RABGGTA: variants seen among roughly 807,000 people sequenced by gnomAD.
RABGGTA encodes Rab geranylgeranyltransferase subunit alpha, also known as geranylgeranyl transferase type-2 subunit alpha.
A neutral mutation model predicts 83.3 loss-of-function variants in RABGGTA; 69 were observed. The observed-to-expected ratio is 0.83, with a 90% confidence interval of 0.68 to 1.01. The LOEUF is 1.01. Ranked by LOEUF, RABGGTA falls within the 50% of genes least tolerant of loss-of-function variation. The pLI, the probability that RABGGTA is intolerant of heterozygous loss-of-function variation, is 0.00. For missense variants in RABGGTA, 681 were observed against 712.7 expected, an observed-to-expected ratio of 0.96 and a Z score of 0.51; for synonymous variants, 310 against 299.8, an observed-to-expected ratio of 1.03 and a Z score of -0.35.
chr14:24,268,289 A>C (rs2040899254), intron 11 of RABGGTA, 80 bp downstream of exon 11: 1 of 1,608,838 alleles, frequency 6.2e-7, no homozygotes, highest in African/African-American at 1.3e-5. Flanking sequence ...CAGCTCCTTG[A>C]GGCCCCAGCC....
intron 11 of RABGGTA, 62 bp from the exon 12 acceptor site, chr14:24,268,260 C>G (rs969206244): frequency 6.2e-7 from 1 of 1,604,896 alleles, no homozygotes; most frequent in South Asian, 1.1e-5. Context: ...GGTCAACATT[C>G]CCAGTATCTA....
chr14:24,266,329 C>T (rs2040872724), intron 16 of RABGGTA, 101 bp downstream of exon 16: 1 of 1,093,178 alleles, frequency 9.1e-7, no homozygotes, highest in Non-Finnish European at 1.4e-6. Flanking sequence ...CTCTCTCCTG[C>T]CCTGCAAGAG....
rs779517321 is a variant in RABGGTA at position 24,267,941 on chromosome 14, T to C, written c.1165A>G (p.Ile389Val). 20 of 1,613,744 alleles carry C rather than the reference T, an allele frequency of 1.2e-5. No homozygotes were observed. Among genetic ancestry groups the C allele is most frequent in the Non-Finnish European group, 1.7e-5 (20 of 1,179,828 alleles). The change falls in exon 13 of 17, where the codon ATC becomes GTC. Residue 389 changes from isoleucine (I) to valine (V), a missense_variant. This residue lies in a region of RABGGTA where 421 missense variants were observed against 418.5 expected (regional missense o/e 1.01). Coordinates refer to ENST00000216840, the MANE Select transcript of RABGGTA (RefSeq NM_182836.3). ...PENKWCLLTI[I>V]LLMRALDPLL... Reference sequence around the variant, plus strand: ...GGGTCCAGTGCCCGCATCAGCAGGATGATGGTAAGCAGGCACCCTGAGGAG... The same window carrying C: ...GGGTCCAGTGCCCGCATCAGCAGGACGATGGTAAGCAGGCACCCTGAGGAG...
Position 24,270,074 on chromosome 14 carries a change from C to T in RABGGTA, c.306G>A (p.Val102=), listed in dbSNP as rs763249620. Residue 102 remains valine (V), a synonymous_variant, in exon 5 of 17, where the codon GTG becomes GTA. Transcript: ENST00000216840. ...ELGFLESCLR[V]NPKSYGTWHH... ...GCCAGGTACCATAAGACTTGGGGTT[C>T]ACCCGCAGGCAGCTCTCCAGGAAGC... 2 of 1,611,526 alleles carry T rather than the reference C, an allele frequency of 1.2e-6. No homozygotes were observed. Among genetic ancestry groups the T allele is most frequent in the African/African-American group, 1.3e-5 (1 of 74,988 alleles).
At chr14:24,265,953 C>T (rs943582797) in intron 16 of RABGGTA, among the ~76,000 whole-genome samples, 190 bp from the exon 17 acceptor site, 1 of 152,062 alleles carries the variant, frequency 6.6e-6, no homozygotes, top group Non-Finnish European at 1.5e-5. Context: ...AAAGAATGAG[C>T]CGCAACACCC....
chr14:24,265,966 C>A (rs6573652), intron 16 of RABGGTA, among the ~76,000 whole-genome samples: 1 of 152,094 alleles, frequency 6.6e-6, no homozygotes, highest in Non-Finnish European at 1.5e-5. Context: ...CAACACCCCA[C>A]GCAAGCTGGT....
At chr14:24,268,245 G>A (rs1259225579) in intron 11 of RABGGTA, 47 bp from the exon 12 acceptor site, 2 of 1,606,654 alleles carry the variant, frequency 1.2e-6, no homozygotes, top group Admixed American at 1.7e-5. Flanking sequence ...CAGCCCTGAA[G>A]CACTGGTCAA....
chr14:24,269,245 G>C (rs1594582588), intron 6 of RABGGTA, 82 bp from the exon 7 acceptor site: 11 of 1,332,430 alleles, frequency 8.3e-6, no homozygotes, highest in African/African-American at 2.9e-5. Flanking sequence ...CCTCTCCTTG[G>C]AGTACTTCCA....
rs572213231 is a variant in RABGGTA at position 24,267,454 on chromosome 14, T to G, written c.1353+206A>C. Among the ~76,000 whole-genome samples, 26 of 152,134 alleles carry G rather than the reference T, an allele frequency of 1.7e-4. No homozygotes were observed. In the South Asian group the frequency reaches 5.4e-3, roughly 32 times the overall value. On this transcript the variant is annotated intron_variant, in intron 14 of 16. Coordinates refer to ENST00000216840, the MANE Select transcript of RABGGTA (RefSeq NM_182836.3). ...GGGAAGAAACAGCACAAGGAGGTCC[T>G]GGTGACTCGGGATTTGAAAGTGAGT...
In RABGGTA at chr14:24,268,899, T is replaced by C. The variant is rs549174526; in HGVS notation, c.798+12A>G. Reference sequence around the variant, plus strand: ...GTCCCACAGTGCTCTTGACAAAAGCTGCAGGACTCACTAAGAGGGGCCGAG... The same window carrying C: ...GTCCCACAGTGCTCTTGACAAAAGCCGCAGGACTCACTAAGAGGGGCCGAG... On this transcript the variant is annotated intron_variant, in intron 8 of 16. Transcript: ENST00000216840. 1.9e-6 allele frequency: 3 copies of C among 1,581,712 alleles called. No individual in the cohort carries two copies. Among genetic ancestry groups the C allele is most frequent in the Non-Finnish European group, 2.6e-6 (3 of 1,163,810 alleles).
At position 24,269,538 on chromosome 14, in the gene RABGGTA, G is replaced by A. The variant is rs749256354; in HGVS notation, c.584C>T (p.Pro195Leu). The change falls in exon 6 of 17, where the codon CCG (proline) becomes CTG (leucine). Residue 195 changes from proline (P) to leucine (L), a missense_variant. This residue lies in a region of RABGGTA where 122 missense variants were observed against 118.9 expected (regional missense o/e 1.03). Coordinates refer to ENST00000216840, the MANE Select transcript of RABGGTA (RefSeq NM_182836.3). Reference protein sequence around the residue: ...SCLLPQLHPQPDSGPQGRLPE... With the variant: ...SCLLPQLHPQLDSGPQGRLPE... ...GAGGCGCCCCTGTGGTCCAGAATCC[G>A]GCTGGGGGTGCAGCTGGGGCAAGAG... 23 of 1,608,948 alleles carry A rather than the reference G, an allele frequency of 1.4e-5. No individual in the cohort carries two copies. The highest frequency in any genetic ancestry group is 3.3e-5 in the South Asian group (3 of 90,986).
intron 16 of RABGGTA, 76 bp downstream of exon 16, chr14:24,266,354 T>C: frequency 7.3e-7 from 1 of 1,372,724 alleles, no homozygotes. Flanking sequence ...GCACATACCC[T>C]GCCTGCTGTC....
intron 14 of RABGGTA, 145 bp downstream of exon 14, chr14:24,267,515 C>G: frequency 1.5e-6 from 1 of 647,464 alleles, no homozygotes; most frequent in East Asian, 2.8e-5. Flanking sequence ...ACAGAAAGGC[C>G]TGGAAGAGGA....
In RABGGTA at chr14:24,268,777, AG is replaced by A; in HGVS notation, c.847del (p.Leu283Ter). The A allele has an allele frequency of 1.3e-6, 2 of 1,579,312 alleles. No homozygotes were observed. Among genetic ancestry groups the A allele is most frequent in the Non-Finnish European group, 8.6e-7 (1 of 1,162,722 alleles). On this transcript the variant is annotated frameshift_variant, in exon 9 of 17. Transcript: ENST00000216840. LOFTEE classifies it high-confidence loss of function. Reference sequence around the variant, plus strand: ...ATCTGGGGTCCTCCACTCCACAATCAGGGGAGAATCATCAACCATGAGCAGC... The same window carrying A: ...ATCTGGGGTCCTCCACTCCACAATCAGGGAGAATCATCAACCATGAGCAGC... ...ILLLMVDDSP[L>X]IVEWRTPDGR...
intron 15 of RABGGTA, 105 bp downstream of exon 15, chr14:24,266,671 G>C (rs773225986): frequency 2.2e-5 from 28 of 1,247,560 alleles, no homozygotes. Flanking sequence ...TTACCTGTTC[G>C]GGGTGGAGGG....
intron 11 of RABGGTA, 53 bp downstream of exon 11, chr14:24,268,316 T>C (rs1052511710): frequency 6.2e-7 from 1 of 1,611,808 alleles, no homozygotes; most frequent in Non-Finnish European, 8.5e-7. Context: ...CCTGGCTGCC[T>C]GATGCCCAGA....
At chr14:24,268,448 T>C in intron 10 of RABGGTA, 28 bp from the exon 11 acceptor site, 3 of 1,594,802 alleles carry the variant, frequency 1.9e-6, no homozygotes, top group Non-Finnish European at 2.5e-6. Context: ...GGTTGGAGGG[T>C]GCACCCTTGA....
rs1164775915 is a variant in RABGGTA at position 24,268,388 on chromosome 14, T to C, written c.1039A>G (p.Thr347Ala). 6.2e-7 allele frequency: 1 copy of C among 1,613,366 alleles called. No individual in the cohort carries two copies. Among genetic ancestry groups the C allele is most frequent in the Non-Finnish European group, 8.5e-7 (1 of 1,179,888 alleles). The change falls in exon 11 of 17, where the codon ACA (threonine) becomes GCA (alanine). Residue 347 changes from threonine to alanine, a missense_variant. By Grantham distance (58) the Thr-to-Ala change is moderately conservative (BLOSUM62 0). Coordinates refer to ENST00000216840, the MANE Select transcript of RABGGTA (RefSeq NM_182836.3). Reference protein sequence around the residue: ...RQEGWCRDSTTDEQLFRCELS... With the variant: ...RQEGWCRDSTADEQLFRCELS... ...CACCACCTGAATAGCTGCTCGTCTG[T>C]CGTGGAGTCCCGGCACCAGCCCTCC...
At chr14:24,267,392 G>A (rs773147363) in intron 14 of RABGGTA, among the ~76,000 whole-genome samples, 2 of 152,096 alleles carry the variant, frequency 1.3e-5, no homozygotes, top group East Asian at 1.9e-4. Flanking sequence ...GTGGGCTAGC[G>A]GTCACTCTGA....
Sources: gnomAD v4.1 joint callset for allele counts (sites outside exome capture counted in the v4.1 genomes callset) on GRCh38, gnomAD v4.1.1 for gene constraint, gnomAD v4.1.1 regional missense constraint, MANE v1.5 for transcripts, NCBI Gene and HGNC (gene_info 2026-07-23, HGNC 2026-07-21) for gene names.